Variants in ARSJ observed in about 807,000 individuals in gnomAD.
ARSJ encodes the protein arylsulfatase J.
A neutral mutation model predicts 35.9 loss-of-function variants in ARSJ; 26 were observed. That is an observed-to-expected ratio of 0.72 (90% CI 0.53 to 1.00). The LOEUF (loss-of-function observed/expected upper bound fraction) is 1.00, where lower values mean the gene tolerates loss of function less well. ARSJ is among the 50% of genes least tolerant of loss of function. The pLI, the probability that ARSJ is intolerant of heterozygous loss-of-function variation, is 0.00. For missense variants in ARSJ, 667 were observed against 723.6 expected, an observed-to-expected ratio of 0.92 and a Z score of 0.90; for synonymous variants, 294 against 267.6, an observed-to-expected ratio of 1.10 and a Z score of -0.96.
At chr4:113,920,169 ATTGTT>A (rs1192583255) in intron 1 of ARSJ, among the ~76,000 whole-genome samples, 1 of 152,156 alleles carries the variant, frequency 6.6e-6, no homozygotes, top group Non-Finnish European at 1.5e-5. Context: ...AAAGATTGTA[ATTGTT>A]CTCTAACTCT....
intron 1 of ARSJ, among the ~76,000 whole-genome samples, chr4:113,927,638 G>C (rs951369440): frequency 5.3e-5 from 8 of 152,180 alleles, no homozygotes; most frequent in Non-Finnish European, 8.8e-5. Context: ...CAGGTACCAG[G>C]AGATGTATTA....
chr4:113,972,315 A>AC (rs1253805309), intron 1 of ARSJ, among the ~76,000 whole-genome samples: 4 of 149,552 alleles, frequency 2.7e-5, no homozygotes, highest in African/African-American at 9.7e-5. Context: ...AACAAAAAAA[A>AC]AAACCCCACC....
At chr4:113,912,981 G>A (rs1002395348) in intron 1 of ARSJ, among the ~76,000 whole-genome samples, 1 of 151,988 alleles carries the variant, frequency 6.6e-6, no homozygotes, top group African/African-American at 2.4e-5. Context: ...GAAATAAAAA[G>A]GATTAAATAT....
At chr4:113,954,362 A>G (rs1726039826) in intron 1 of ARSJ, among the ~76,000 whole-genome samples, 1 of 152,062 alleles carries the variant, frequency 6.6e-6, no homozygotes, top group South Asian at 2.1e-4. Context: ...ATAGAAAACA[A>G]CTTCAGGTTT....
intron 1 of ARSJ, among the ~76,000 whole-genome samples, chr4:113,975,319 T>C (rs1236303749): frequency 1.3e-5 from 2 of 152,192 alleles, no homozygotes; most frequent in Non-Finnish European, 2.9e-5. Context: ...AAAATTACTA[T>C]CAAAGATACA....
chr4:113,977,434 T>C (rs1453798726), intron 1 of ARSJ, among the ~76,000 whole-genome samples: 1 of 152,212 alleles, frequency 6.6e-6, no homozygotes, highest in Non-Finnish European at 1.5e-5. Flanking sequence ...CAATGGATAC[T>C]GGCTACTTTT....
rs750444242 is a variant in ARSJ at position 113,903,492 on chromosome 4, A to G, written c.582T>C (p.Asp194=). 75 of 1,614,104 alleles carry G rather than the reference A, an allele frequency of 4.6e-5. 1 individual carries two copies. In the South Asian group the frequency reaches 6.5e-4, roughly 14 times the overall value. The change falls in exon 2 of 2, where the codon GAT becomes GAC. Residue 194 remains aspartate, a synonymous_variant. Coordinates refer to ENST00000315366, the MANE Select transcript of ARSJ (RefSeq NM_024590.4). ...KECMPTRRGF[D]TFFGSLLGSG... is the part of the protein sequence containing the mutation. ...TTCCCAAAAGGGAACCAAAAAAGGT[A>G]TCAAATCCTCTTCTGGTGGGCATGC...
Position 113,978,866 on chromosome 4 carries a change from A to G in ARSJ, c.-32T>C. 1 of 1,556,578 alleles carries G rather than the reference A, an allele frequency of 6.4e-7. No homozygotes were observed. The highest frequency in any genetic ancestry group is 8.7e-7 in the Non-Finnish European group (1 of 1,155,004). ...AGGTCCCAGGTGAGACTCCACGCGG[A>G]GAACCACGCGCCCCGCGCCGCTGCG... On this transcript the variant is annotated 5_prime_UTR_variant, in exon 1 of 2. Transcript: ENST00000315366.
At chr4:113,918,463 C>A (rs1723458093) in intron 1 of ARSJ, among the ~76,000 whole-genome samples, 1 of 152,128 alleles carries the variant, frequency 6.6e-6, no homozygotes, top group East Asian at 1.9e-4. Flanking sequence ...TGGTAAAAAT[C>A]AATAGATGTA....
Position 113,978,483 on chromosome 4 carries a change from C to A in ARSJ, c.352G>T (p.Val118Phe). The change falls in exon 1 of 2, where the codon GTC becomes TTC. Residue 118 changes from valine (V) to phenylalanine (F), a missense_variant. Physicochemically the swap from Val to Phe is conservative, Grantham distance 50. Transcript: ENST00000315366. Reference sequence around the variant, plus strand: ...CTGGATGGTGTGCAAATAGGCTGGACATAGTAGTTCTCCAGTTTAACTCCT... The same window carrying A: ...CTGGATGGTGTGCAAATAGGCTGGAAATAGTAGTTCTCCAGTTTAACTCCT... ...AEGVKLENYY[V>F]QPICTPSRSQ... 1 of 1,613,926 alleles carries A rather than the reference C, an allele frequency of 6.2e-7. No homozygotes were observed.
At chr4:113,974,087 C>A (rs78891028) in intron 1 of ARSJ, among the ~76,000 whole-genome samples, 1 of 151,996 alleles carries the variant, frequency 6.6e-6, no homozygotes, top group African/African-American at 2.4e-5. Context: ...TGGGTATACA[C>A]ATGGAAAAAA....
At chr4:113,957,221 G>A (rs1223114304) in intron 1 of ARSJ, among the ~76,000 whole-genome samples, 2 of 152,024 alleles carry the variant, frequency 1.3e-5, no homozygotes, top group Admixed American at 6.6e-5. Context: ...TGTGATGTCC[G>A]ATGTCTTAGG....
At chr4:113,936,206 T>A (rs371614644) in intron 1 of ARSJ, among the ~76,000 whole-genome samples, 1 of 151,898 alleles carries the variant, frequency 6.6e-6, no homozygotes, top group East Asian at 1.9e-4. Flanking sequence ...AAAGCATTAA[T>A]GTAGAAGCAT....
At chr4:113,964,696 C>T (rs546146129) in intron 1 of ARSJ, among the ~76,000 whole-genome samples, 12 of 152,094 alleles carry the variant, frequency 7.9e-5, no homozygotes, top group African/African-American at 2.4e-4. Flanking sequence ...CACCATGGAG[C>T]GTTAAAGATC....
intron 1 of ARSJ, among the ~76,000 whole-genome samples, chr4:113,959,281 A>G (rs1726392389): frequency 6.6e-6 from 1 of 152,010 alleles, no homozygotes; most frequent in Non-Finnish European, 1.5e-5. Flanking sequence ...TCCCATTAAC[A>G]GCTCTACCTC....
rs1238738488 is a variant in ARSJ, at chr4:113,924,109, A to G, written c.399-20434T>C. On this transcript the variant is annotated intron_variant, in intron 1 of 1. Coordinates refer to ENST00000315366, the MANE Select transcript of ARSJ (RefSeq NM_024590.4). ...TATATATATATATATATATATATAT[A>G]TATATATATATAAAGGGGAGTTTAT... 4.4e-4 allele frequency among the ~76,000 whole-genome samples: 60 copies of G among 136,508 alleles called. 1 individual carries two copies. The highest frequency in any genetic ancestry group is 7.7e-3 in the Middle Eastern group (2 of 260). The allele number at this position is 136,508 out of a possible 152,430, so 89.6% of individuals were successfully genotyped here.
At chr4:113,941,280 C>T (rs913630795) in intron 1 of ARSJ, among the ~76,000 whole-genome samples, 1 of 152,046 alleles carries the variant, frequency 6.6e-6, no homozygotes, top group Non-Finnish European at 1.5e-5. Context: ...CAGTTACATA[C>T]ATGAACAATT....
Position 113,902,481 on chromosome 4 carries a change from C to T in ARSJ, c.1593G>A (p.Val531=), listed in dbSNP as rs2099667410. The change falls in exon 2 of 2, where the codon GTG becomes GTA. Residue 531 remains valine, a synonymous_variant. Coordinates refer to ENST00000315366, the MANE Select transcript of ARSJ (RefSeq NM_024590.4). ...GGTCTTTGGGGGGATACCTGACCGG[C>T]ACTGCAGTTTTGTTGAACTGTGAGA... ...RRLSQFNKTA[V]PVRYPPKDPR... 3.1e-6 allele frequency: 5 copies of T among 1,614,136 alleles called. No individual in the cohort carries two copies. Among genetic ancestry groups the T allele is most frequent in the African/African-American group, 1.3e-5 (1 of 75,040 alleles).
intron 1 of ARSJ, among the ~76,000 whole-genome samples, chr4:113,967,913 C>A (rs1726996633): frequency 6.6e-6 from 1 of 152,086 alleles, no homozygotes; most frequent in Non-Finnish European, 1.5e-5. Flanking sequence ...AGTCATAAAA[C>A]ACTTAACATA....
Sources: allele counts gnomAD v4.1 joint callset (sites outside exome capture counted in the v4.1 genomes callset), GRCh38; gene constraint gnomAD v4.1.1; transcripts MANE v1.5; gene names NCBI Gene and HGNC (gene_info 2026-07-23, HGNC 2026-07-21).